Variants in TBCK observed in about 807,000 individuals in gnomAD.
TBCK encodes the protein TBC domain-containing protein kinase-like protein.
A neutral mutation model predicts 113.4 loss-of-function variants in TBCK; 99 were observed. That is an observed-to-expected ratio of 0.87 (90% CI 0.74 to 1.03). The LOEUF (loss-of-function observed/expected upper bound fraction) is 1.03. Among genes scored for constraint, TBCK ranks in the 50% least tolerant of loss-of-function variants. The pLI is 0.00. For synonymous variants in TBCK, 369 were observed against 370.8 expected (o/e 1.00, Z 0.05); for missense variants, 1,045 against 1,061.3 (o/e 0.98, Z 0.21).
At chr4:106,316,353 G>A (rs537275687), upstream of TBCK, 37 of 596,520 alleles carry the variant, frequency 6.2e-5, no homozygotes, top group East Asian at 1.1e-3. Context: ...AGGTGCGGGG[G>A]GACGGGGGGG....
chr4:106,291,719 G>A (rs1038948034), intron 3 of TBCK, among the ~76,000 whole-genome samples: 12 of 152,192 alleles, frequency 7.9e-5, no homozygotes, highest in African/African-American at 2.7e-4. Flanking sequence ...TTTACTATCG[G>A]TGAAGATTTG....
intron 19 of TBCK, among the ~76,000 whole-genome samples, chr4:106,214,906 A>T (rs1451901566): frequency 6.6e-6 from 1 of 152,074 alleles, no homozygotes; most frequent in Admixed American, 6.5e-5. Flanking sequence ...TCCAAGACAC[A>T]TAATAGTCAG....
intron 9 of TBCK, chr4:106,247,691 C>G (rs1760992565): frequency 6.3e-6 from 1 of 158,724 alleles, no homozygotes; most frequent in African/African-American, 2.4e-5. Context: ...AACTATTTCT[C>G]TCTAACATGT....
chr4:106,089,306 A>C (rs1255226768), intron 25 of TBCK, among the ~76,000 whole-genome samples: 1 of 152,180 alleles, frequency 6.6e-6, no homozygotes, highest in Non-Finnish European at 1.5e-5. Context: ...CTGGGAGGGC[A>C]CCAAACCATT....
At chr4:106,116,990 A>G (rs1210999242) in intron 23 of TBCK, among the ~76,000 whole-genome samples, 1 of 151,912 alleles carries the variant, frequency 6.6e-6, no homozygotes, top group Non-Finnish European at 1.5e-5. Flanking sequence ...CCCATCTCAA[A>G]CCCAGTCCAT....
intron 20 of TBCK, among the ~76,000 whole-genome samples, chr4:106,195,095 T>C (rs1754067216): frequency 6.6e-6 from 1 of 152,220 alleles, no homozygotes; most frequent in Admixed American, 6.5e-5. Context: ...TCTTCCACCA[T>C]GTGGCTATGC....
Position 106,171,281 on chromosome 4 carries a change from A to G in TBCK, c.2060-11T>C, listed in dbSNP as rs201442125. The G allele has an allele frequency of 1.3e-6, 2 of 1,596,382 alleles. No homozygotes were observed. The highest frequency in any genetic ancestry group is 1.8e-5 in the Admixed American group (1 of 55,612). On this transcript the variant is annotated splice_polypyrimidine_tract_variant and intron_variant, in intron 22 of 25. Coordinates refer to ENST00000394708, the MANE Select transcript of TBCK (RefSeq NM_001163435.3). ...GTTCAATGTCAATTTCTAGATAGAAATGTTTTAAAAAAGCAAATGTATAGA... is the reference window on the plus strand; with the variant it reads ...GTTCAATGTCAATTTCTAGATAGAAGTGTTTTAAAAAAGCAAATGTATAGA...
At chr4:106,201,946 A>G (rs1363380518) in intron 20 of TBCK, among the ~76,000 whole-genome samples, 1 of 152,062 alleles carries the variant, frequency 6.6e-6, no homozygotes, top group African/African-American at 2.4e-5. Context: ...ACATATATAC[A>G]GACATTCCAG....
intron 3 of TBCK, among the ~76,000 whole-genome samples, chr4:106,285,832 A>T (rs570261048): frequency 6.6e-6 from 1 of 152,354 alleles, no homozygotes; most frequent in East Asian, 1.9e-4. Context: ...AGTAAAGGAA[A>T]GAACTAATTT....
At chr4:106,179,749 A>AG (rs1752114420) in intron 22 of TBCK, among the ~76,000 whole-genome samples, 1 of 152,058 alleles carries the variant, frequency 6.6e-6, no homozygotes, top group African/African-American at 2.4e-5. Flanking sequence ...AATGTCTGTT[A>AG]GGTCCATTTG....
chr4:106,206,979 C>A (rs563167357), intron 20 of TBCK, among the ~76,000 whole-genome samples: 1 of 152,226 alleles, frequency 6.6e-6, no homozygotes, highest in Non-Finnish European at 1.5e-5. Context: ...TCATAATTTG[C>A]AAGCTGAATA....
chr4:106,233,228 T>C (rs966236541), intron 16 of TBCK, among the ~76,000 whole-genome samples, 164 bp from the exon 17 acceptor site: 3 of 152,028 alleles, frequency 2.0e-5, no homozygotes, highest in African/African-American at 4.8e-5. Flanking sequence ...ATTGATCTTA[T>C]GGAAAGACTA....
intron 22 of TBCK, among the ~76,000 whole-genome samples, chr4:106,184,287 T>C (rs1752755868): frequency 6.6e-6 from 1 of 152,082 alleles, no homozygotes; most frequent in Non-Finnish European, 1.5e-5. Context: ...GATTAAAATA[T>C]AAGGAATACT....
Position 106,087,924 on chromosome 4 carries a change from C to T in TBCK, c.2571+7558G>A, listed in dbSNP as rs564035815. On this transcript the variant is annotated intron_variant, in intron 25 of 25. Transcript: ENST00000394708. Reference sequence around the variant, plus strand: ...CAGGAAACTGGAACTGGCCTGGAGCCCTACCTTATGTCTTATACAAAAATT... The same window carrying T: ...CAGGAAACTGGAACTGGCCTGGAGCTCTACCTTATGTCTTATACAAAAATT... Among the ~76,000 whole-genome samples the T allele has an allele frequency of 1.8e-4, 28 of 152,302 alleles. No homozygotes were observed. In the South Asian group the frequency reaches 4.6e-3, roughly 25 times the overall value.
intron 2 of TBCK, among the ~76,000 whole-genome samples, chr4:106,307,926 C>T (rs779724010): frequency 6.6e-6 from 1 of 151,844 alleles, no homozygotes; most frequent in Non-Finnish European, 1.5e-5. Context: ...ATTCAGTTCT[C>T]TAAATGGGCT....
chr4:106,112,244 A>G (rs1307666317), intron 24 of TBCK, among the ~76,000 whole-genome samples: 15 of 152,318 alleles, frequency 9.8e-5, no homozygotes, highest in African/African-American at 3.6e-4. Flanking sequence ...GATTCCTTTA[A>G]GTAAAAAGCA....
intron 25 of TBCK, among the ~76,000 whole-genome samples, chr4:106,062,699 C>T (rs1227351552): frequency 2.0e-5 from 3 of 151,754 alleles, no homozygotes; most frequent in Non-Finnish European, 4.4e-5. Context: ...CTGTGGAGTA[C>T]AGGGTGGGTA....
chr4:106,062,243 C>A (rs1485286923), intron 25 of TBCK, among the ~76,000 whole-genome samples: 2 of 151,792 alleles, frequency 1.3e-5, no homozygotes, highest in African/African-American at 2.4e-5. Context: ...GAAAAGCAAA[C>A]TATGATAGAA....
upstream of TBCK, chr4:106,316,490 C>G: frequency 6.6e-7 from 1 of 1,508,008 alleles, no homozygotes; most frequent in South Asian, 1.2e-5. Context: ...AGGCTTTCAG[C>G]AAGGACACCT....
Sources: allele counts gnomAD v4.1 joint callset (sites outside exome capture counted in the v4.1 genomes callset), GRCh38; gene constraint gnomAD v4.1.1; transcripts MANE v1.5; gene names NCBI Gene and HGNC (gene_info 2026-07-23, HGNC 2026-07-21).